The following MAST4 variants were observed in gnomAD, a reference collection of about 807,000 sequenced individuals.
The protein encoded by MAST4 is microtubule associated serine/threonine kinase family member 4.
Under a neutral mutation model 162.7 loss-of-function variants are expected in MAST4, and 89 were observed. That is an observed-to-expected ratio of 0.55 (90% CI 0.46 to 0.65). MAST4 has a LOEUF of 0.65. MAST4 is among the 30% of genes least tolerant of loss of function. The probability of loss-of-function intolerance (pLI) is 0.00; values close to 1 mark genes in which losing one functional copy is unlikely to be tolerated. For missense variants in MAST4, 3,153 were observed against 3,374.0 expected, an observed-to-expected ratio of 0.93 and a Z score of 1.62; for synonymous variants, 1,479 against 1,361.1, an observed-to-expected ratio of 1.09 and a Z score of -1.91.
intron 4 of MAST4, among the ~76,000 whole-genome samples, chr5:66,920,330 T>A (rs1277131445): frequency 6.6e-6 from 1 of 152,128 alleles, no homozygotes; most frequent in African/African-American, 2.4e-5. Context: ...ATATAAAAAA[T>A]TAGAGTATAT....
chr5:67,090,287 CTCTCCCTCTCCCCACT>C, intron 6 of MAST4, 56 bp downstream of exon 6: 2 of 1,308,122 alleles, frequency 1.5e-6, no homozygotes, highest in Non-Finnish European at 2.2e-6. Flanking sequence ...TCCCATTTTC[CTCTCCCTCTCCCCACT>C]TCTCCCCCTC....
intron 4 of MAST4, among the ~76,000 whole-genome samples, chr5:66,931,408 AGGGT>A (rs935520902): frequency 2.0e-5 from 3 of 151,812 alleles, no homozygotes; most frequent in African/African-American, 7.3e-5. Flanking sequence ...CTTTGTTGTG[AGGGT>A]GGAATTTCTG....
At position 67,166,030 on chromosome 5, in the gene MAST4, C is replaced by T. The variant is rs763537960; in HGVS notation, c.6851C>T (p.Ala2284Val). 7 of 1,613,424 alleles carry T rather than the reference C, an allele frequency of 4.3e-6. No individual in the cohort carries two copies. Among genetic ancestry groups the T allele is most frequent in the Middle Eastern group, 1.6e-4 (1 of 6,084 alleles). The change falls in exon 29 of 29, where the codon GCC becomes GTC. Residue 2284 changes from alanine to valine, a missense_variant. Ala to Val is a moderately conservative substitution (Grantham distance 64). Coordinates refer to ENST00000403625, the MANE Select transcript of MAST4 (RefSeq NM_001164664.2). Reference sequence around the variant, plus strand: ...CACACTGACAGGGCTCCTCTAGACGCCAAGCCACAACCCACCAGTGGTGGG... The same window carrying T: ...CACACTGACAGGGCTCCTCTAGACGTCAAGCCACAACCCACCAGTGGTGGG... ...PLHTDRAPLD[A>V]KPQPTSGGRP...
intron 1 of MAST4, among the ~76,000 whole-genome samples, chr5:66,684,745 T>C (rs1436564172): frequency 2.0e-5 from 3 of 152,144 alleles, no homozygotes; most frequent in African/African-American, 7.2e-5. Flanking sequence ...CTAGTAATTT[T>C]GGGGGGCTTA....
chr5:66,847,147 A>T (rs1320396348), intron 3 of MAST4, among the ~76,000 whole-genome samples: 1 of 152,312 alleles, frequency 6.6e-6, no homozygotes, highest in African/African-American at 2.4e-5. Context: ...GGGCCAAAAG[A>T]TGGTTTTGGA....
At chr5:67,047,418 G>T (rs1757514968) in intron 4 of MAST4, among the ~76,000 whole-genome samples, 1 of 152,104 alleles carries the variant, frequency 6.6e-6, no homozygotes, top group Non-Finnish European at 1.5e-5. Context: ...CAGGGCCTCT[G>T]CTCTTGCTGA....
chr5:67,160,079 C>T (rs1773012126), intron 26 of MAST4, among the ~76,000 whole-genome samples: 1 of 152,140 alleles, frequency 6.6e-6, no homozygotes, highest in African/African-American at 2.4e-5. Context: ...CCTTGTGTTG[C>T]ACTGGGTGCA....
chr5:66,869,916 A>G (rs1057225923), intron 3 of MAST4, among the ~76,000 whole-genome samples: 15 of 152,092 alleles, frequency 9.9e-5, no homozygotes, highest in Non-Finnish European at 2.1e-4. Flanking sequence ...AGTGGGTAGT[A>G]CTTGCTTCTT....
chr5:66,696,283 G>A (rs1042928115), intron 1 of MAST4, among the ~76,000 whole-genome samples: 5 of 151,900 alleles, frequency 3.3e-5, no homozygotes, highest in African/African-American at 1.2e-4. Context: ...GGATTGATAG[G>A]TGCAGCAAAT....
At chr5:66,753,513 C>T (rs868649170) in intron 1 of MAST4, among the ~76,000 whole-genome samples, 3 of 151,790 alleles carry the variant, frequency 2.0e-5, no homozygotes, top group Non-Finnish European at 4.4e-5. Context: ...TCAGAGAATA[C>T]TACAAACACC....
intron 4 of MAST4, chr5:66,963,898 G>A (rs1746328379): frequency 1.3e-6 from 1 of 763,770 alleles, no homozygotes; most frequent in African/African-American, 1.7e-5. Context: ...CACAGGGTGA[G>A]GAAACTGGTT....
intron 3 of MAST4, among the ~76,000 whole-genome samples, chr5:66,793,772 G>T (rs912292535): frequency 2.0e-5 from 3 of 152,202 alleles, no homozygotes; most frequent in South Asian, 4.2e-4. Flanking sequence ...TCCCATTGAG[G>T]TTTTCCTTGA....
intron 4 of MAST4, among the ~76,000 whole-genome samples, chr5:66,901,339 CCAA>C (rs908065713): frequency 6.6e-6 from 1 of 151,782 alleles, no homozygotes; most frequent in Non-Finnish European, 1.5e-5. Flanking sequence ...GTTAGTGTTT[CCAA>C]CAATATTATA....
At chr5:66,893,984 C>G (rs1762522814) in intron 3 of MAST4, among the ~76,000 whole-genome samples, 1 of 152,148 alleles carries the variant, frequency 6.6e-6, no homozygotes, top group Non-Finnish European at 1.5e-5. Context: ...GAGATCCTAT[C>G]CCTGGATGAG....
rs1312527085 is a variant in MAST4 at position 66,837,886 on chromosome 5, ATATATATATTTT to A, written c.642+49094_642+49105del. 3.1e-3 allele frequency among the ~76,000 whole-genome samples: 165 copies of A among 52,732 alleles called. 1 individual carries two copies. The highest frequency in any genetic ancestry group is 0.014 in the African/African-American group (152 of 11,146). The allele number at this position is 52,732 out of a possible 152,430, so 34.6% of individuals were successfully genotyped here. ...ATTTTATATATATATATATATATATATATATATATTTTTTTTTTTTTTTTTTTTTTTAATGTG... is the reference window on the plus strand; with the variant it reads ...ATTTTATATATATATATATATATATATTTTTTTTTTTTTTTTTTTAATGTG... On this transcript the variant is annotated intron_variant, in intron 3 of 28. Transcript: ENST00000403625.
chr5:67,163,059 G>T lies in MAST4; in HGVS notation c.3968-88G>T. 3 of 1,408,362 alleles carry T rather than the reference G, an allele frequency of 2.1e-6. No individual in the cohort carries two copies. Among genetic ancestry groups the T allele is most frequent in the East Asian group, 2.3e-5 (1 of 43,438 alleles). 87.2% of individuals were successfully genotyped at this position (1,408,362 alleles called of 1,614,324 possible). ...TGAGACAATTTGCTGATCTTACCTG[G>T]CCTTACCTAATACAGTCTGGGCTAC... is the stretch of plus-strand genomic sequence containing the variant. On this transcript the variant is annotated intron_variant, in intron 28 of 28. Transcript: ENST00000403625. The surrounding 1 kb of genome is among the most constrained non-coding windows in gnomAD (Gnocchi z 7.0).
chr5:66,639,993 A>G (rs1745380751), intron 1 of MAST4, among the ~76,000 whole-genome samples: 1 of 152,200 alleles, frequency 6.6e-6, no homozygotes, highest in African/African-American at 2.4e-5. Flanking sequence ...AATATATAAT[A>G]CAATATGATT....
At chr5:66,753,622 A>G (rs1561307531) in intron 1 of MAST4, among the ~76,000 whole-genome samples, 1 of 151,770 alleles carries the variant, frequency 6.6e-6, no homozygotes, top group African/African-American at 2.4e-5. Flanking sequence ...ATCTCTGAAT[A>G]GACCAATAAC....
intron 4 of MAST4, among the ~76,000 whole-genome samples, chr5:66,929,521 AC>A (rs1291213824): frequency 6.6e-6 from 1 of 152,206 alleles, no homozygotes; most frequent in African/African-American, 2.4e-5. Flanking sequence ...TCAAATTGAC[AC>A]CTAAAATTAA....
Sources: gnomAD v4.1 joint callset for allele counts (sites outside exome capture counted in the v4.1 genomes callset) on GRCh38, gnomAD v4.1.1 for gene constraint, Gnocchi (gnomAD v3.1) non-coding constraint, MANE v1.5 for transcripts, NCBI Gene and HGNC (gene_info 2026-07-23, HGNC 2026-07-21) for gene names.